SLC7A8: variants seen among roughly 807,000 people sequenced by gnomAD.
SLC7A8 encodes large neutral amino acids transporter small subunit 2.
Under a neutral mutation model 51.2 loss-of-function variants are expected in SLC7A8, and 30 were observed. The observed-to-expected ratio is 0.59, with a 90% confidence interval of 0.44 to 0.80. The LOEUF (loss-of-function observed/expected upper bound fraction) is 0.80. SLC7A8 is among the 30% of genes least tolerant of loss of function. The pLI is 0.00. For synonymous variants in SLC7A8, 257 were observed against 275.8 expected (o/e 0.93, Z 0.67); for missense variants, 612 against 674.4 (o/e 0.91, Z 1.03).
In SLC7A8 at chr14:23,131,577, G is replaced by A. The variant is rs1327096966; in HGVS notation, c.1017-20C>T. ...AACAGCCTGTCAGGGAGAAAAGCAG[G>A]TCAGCCTGGGATAACCCAGGGACCA... On this transcript the variant is annotated intron_variant, in intron 7 of 10. Transcript: ENST00000316902. 9 of 1,577,738 alleles carry A rather than the reference G, an allele frequency of 5.7e-6. No individual in the cohort carries two copies. Among genetic ancestry groups the A allele is most frequent in the African/African-American group, 1.4e-5 (1 of 73,872 alleles).
intron 7 of SLC7A8, among the ~76,000 whole-genome samples, chr14:23,136,344 C>T (rs1566358316): frequency 1.3e-5 from 2 of 152,320 alleles, no homozygotes; most frequent in Admixed American, 1.3e-4. Context: ...TAGCCAGGGT[C>T]CTGCACTCAC....
chr14:23,143,056 C>T (rs1394604539), intron 4 of SLC7A8, 23 bp downstream of exon 4: 6 of 1,612,848 alleles, frequency 3.7e-6, no homozygotes, highest in South Asian at 3.3e-5. Context: ...CTGGGCAGTA[C>T]CTGTTTTTCC....
At chr14:23,132,007 T>C (rs1209836193) in intron 7 of SLC7A8, among the ~76,000 whole-genome samples, 1 of 145,464 alleles carries the variant, frequency 6.9e-6, no homozygotes. Flanking sequence ...CTATTTTTTT[T>C]TTTTTTTTTT....
At chr14:23,130,090 G>GGTATTACCTGGCTCT (rs1383228659) in intron 8 of SLC7A8, 6 of 328,920 alleles carry the variant, frequency 1.8e-5, no homozygotes, top group African/African-American at 1.1e-4. Flanking sequence ...TGGCCACACT[G>GGTATTACCTGGCTCT]GTATTACCTG....
intron 8 of SLC7A8, among the ~76,000 whole-genome samples, chr14:23,131,011 T>G (rs1306579826): frequency 6.6e-6 from 1 of 152,234 alleles, no homozygotes; most frequent in Non-Finnish European, 1.5e-5. Flanking sequence ...TAACACTAAC[T>G]TCATTTCAAT....
chr14:23,151,837 A>G (rs1324908811), intron 3 of SLC7A8, among the ~76,000 whole-genome samples: 1 of 151,334 alleles, frequency 6.6e-6, no homozygotes. Flanking sequence ...GCTGAGGCGG[A>G]TAGATCACTT....
intron 3 of SLC7A8, among the ~76,000 whole-genome samples, chr14:23,153,620 G>A (rs1023359447): frequency 6.6e-6 from 1 of 152,192 alleles, no homozygotes; most frequent in Non-Finnish European, 1.5e-5. Flanking sequence ...AACCAAGAAA[G>A]GTGCATCCAT....
rs777498611 is a variant in SLC7A8, at chr14:23,128,219, G to A, written c.1264-23C>T. 1.7e-5 allele frequency: 28 copies of A among 1,613,152 alleles called. No homozygotes were observed. The highest frequency in any genetic ancestry group is 5.3e-5 in the African/African-American group (4 of 74,906). ...GATCTGTGGAGCAGAGGCATGAGGC[G>A]TATGAACTGTGTAGGCCACGTGGCC... On this transcript the variant is annotated intron_variant, in intron 9 of 10. Coordinates refer to ENST00000316902, the MANE Select transcript of SLC7A8 (RefSeq NM_012244.4). The surrounding 1 kb of genome is among the most constrained non-coding windows in gnomAD (Gnocchi z 4.3).
intron 7 of SLC7A8, among the ~76,000 whole-genome samples, chr14:23,134,925 T>C (rs1298545261): frequency 6.6e-6 from 1 of 152,196 alleles, no homozygotes; most frequent in Non-Finnish European, 1.5e-5. Context: ...TATTTTTTAC[T>C]TATTTTTCTT....
chr14:23,127,514 C>A (rs971516706), intron 10 of SLC7A8, among the ~76,000 whole-genome samples, 171 bp from the exon 11 acceptor site: 1 of 152,232 alleles, frequency 6.6e-6, no homozygotes, highest in African/African-American at 2.4e-5. Context: ...CTCCCGCCGG[C>A]TACTCTTTGC....
intron 1 of SLC7A8, among the ~76,000 whole-genome samples, chr14:23,180,078 T>C (rs949277917): frequency 7.9e-5 from 12 of 151,956 alleles, no homozygotes; most frequent in African/African-American, 2.7e-4. Context: ...GCTAATTTTT[T>C]GTATTTTTTA....
In SLC7A8 at chr14:23,147,949, C is replaced by T. The variant is rs1289331165; in HGVS notation, c.509-4745G>A. Among the ~76,000 whole-genome samples, 6 of 152,280 alleles carry T rather than the reference C, an allele frequency of 3.9e-5. No homozygotes were observed. In the East Asian group the frequency reaches 9.7e-4, roughly 25 times the overall value. On this transcript the variant is annotated intron_variant, in intron 3 of 10. Coordinates refer to ENST00000316902, the MANE Select transcript of SLC7A8 (RefSeq NM_012244.4). The stretch of plus-strand genomic sequence containing the variant: ...GACTGGCAGAGGGATTCAGAGTCCT[C>T]GCTGCAGACCTGCAACTGGCTTGCT...
intron 7 of SLC7A8, among the ~76,000 whole-genome samples, chr14:23,137,598 A>G (rs1594821286): frequency 6.6e-6 from 1 of 152,192 alleles, no homozygotes; most frequent in South Asian, 2.1e-4. Flanking sequence ...CTTGCTGCCA[A>G]CCACAGCCAC....
chr14:23,133,118 C>T (rs920341643), intron 7 of SLC7A8, among the ~76,000 whole-genome samples: 6 of 152,042 alleles, frequency 3.9e-5, no homozygotes, highest in African/African-American at 1.5e-4. Context: ...AAATTTATAT[C>T]CTGTCTTGTG....
chr14:23,164,291 A>C (rs900651545), intron 3 of SLC7A8, among the ~76,000 whole-genome samples: 1 of 152,254 alleles, frequency 6.6e-6, no homozygotes, highest in Non-Finnish European at 1.5e-5. Flanking sequence ...TTGAGGTAGA[A>C]GTAGATGTGG....
At chr14:23,138,380 T>A (rs919024668) in intron 6 of SLC7A8, among the ~76,000 whole-genome samples, 1 of 152,172 alleles carries the variant, frequency 6.6e-6, no homozygotes, top group Non-Finnish European at 1.5e-5. Context: ...GGTGGTGTGA[T>A]CCAGGCCTTA....
At chr14:23,155,943 T>C (rs747924809) in intron 3 of SLC7A8, among the ~76,000 whole-genome samples, 3 of 152,144 alleles carry the variant, frequency 2.0e-5, no homozygotes, top group Non-Finnish European at 2.9e-5. Context: ...GGTTCAGTTA[T>C]AACCCAATTC....
intron 3 of SLC7A8, among the ~76,000 whole-genome samples, chr14:23,157,796 G>A (rs2048901840): frequency 6.6e-6 from 1 of 152,142 alleles, no homozygotes; most frequent in African/African-American, 2.4e-5. Context: ...TTCAACCCCA[G>A]TCCCATCCTC....
chr14:23,166,537 T>C lies in SLC7A8; in HGVS notation c.155A>G (p.Asn52Ser), dbSNP rs745450229. 16 of 1,613,790 alleles carry C rather than the reference T, an allele frequency of 9.9e-6. No homozygotes were observed. The Admixed American group carries it at 1.0e-4, about 10-fold the overall frequency. Residue 52 changes from asparagine to serine, a missense_variant, in exon 2 of 11, where the codon AAC becomes AGC. Coordinates refer to ENST00000316902, the MANE Select transcript of SLC7A8 (RefSeq NM_012244.4). ...GACAAAGATTCCAGAGCCGATGATG[T>C]TCCCTGCATGAGGCACCAAGGGTAA... ...LVSACGIIVG[N>S]IIGSGIFVSP...
Sources: allele counts gnomAD v4.1 joint callset (sites outside exome capture counted in the v4.1 genomes callset), GRCh38; gene constraint gnomAD v4.1.1; non-coding constraint Gnocchi (gnomAD v3.1); transcripts MANE v1.5; gene names NCBI Gene and HGNC (gene_info 2026-07-23, HGNC 2026-07-21).